SPATA6: variants seen among roughly 807,000 people sequenced by gnomAD.
SPATA6 encodes the protein spermatogenesis associated 6.
SPATA6 carries 56 observed loss-of-function variants against 65.3 expected under a neutral mutation model. That is an observed-to-expected ratio of 0.86 (90% CI 0.69 to 1.07). The LOEUF is 1.07. SPATA6 is among the 50% of genes least tolerant of loss of function. The pLI is 0.00. For synonymous variants in SPATA6, 199 were observed against 213.2 expected (o/e 0.93, Z 0.58); for missense variants, 590 against 594.8 (o/e 0.99, Z 0.08).
In SPATA6 at chr1:48,399,437, C is replaced by A; in HGVS notation, c.694G>T (p.Asp232Tyr). 1 of 1,613,170 alleles carries A rather than the reference C, an allele frequency of 6.2e-7. No homozygotes were observed. The highest frequency in any genetic ancestry group is 1.1e-5 in the South Asian group (1 of 91,054). Residue 232 changes from aspartate (D) to tyrosine (Y), a missense_variant, in exon 7 of 13, where the codon GAC becomes TAC. By Grantham distance (160) the Asp-to-Tyr change is radical (BLOSUM62 -3). Coordinates refer to ENST00000371847, the MANE Select transcript of SPATA6 (RefSeq NM_019073.4). Reference sequence around the variant, plus strand: ...AAATGGGCCAGCCGCCGCCTGGTGTCTTCAGATAGCTCACACATGCGTCTT... The same window carrying A: ...AAATGGGCCAGCCGCCGCCTGGTGTATTCAGATAGCTCACACATGCGTCTT... ...TKRRMCELSEDTRRRLAHLNL... is the reference protein window; with the variant it reads ...TKRRMCELSEYTRRRLAHLNL...
rs140053761 is a variant in SPATA6 at position 48,399,720 on chromosome 1, A to C, written c.487-76T>G. On this transcript the variant is annotated intron_variant, in intron 6 of 12. Transcript: ENST00000371847. Reference sequence around the variant, plus strand: ...CCTGTTGGTGGGGAAAAAATTAAAAAGTAATTTAAATAAGACGCAAAATCT... The same window carrying C: ...CCTGTTGGTGGGGAAAAAATTAAAACGTAATTTAAATAAGACGCAAAATCT... 6,353 of 1,341,288 alleles carry C rather than the reference A, an allele frequency of 4.7e-3. 149 individuals are homozygous for C. The South Asian group carries it at 0.049, about 10-fold the overall frequency. 83.1% of individuals were successfully genotyped at this position (1,341,288 alleles called of 1,614,324 possible). A position where few individuals can be genotyped will look rare whatever the true frequency, so the allele number is the denominator to read the frequency against.
At chr1:48,418,578 A>G (rs12749539) in intron 3 of SPATA6, among the ~76,000 whole-genome samples, 2 of 129,940 alleles carry the variant, frequency 1.5e-5, no homozygotes, top group South Asian at 5.1e-4. Context: ...AAAAAAAAAA[A>G]TTAGCTGGGC....
At chr1:48,443,311 C>T (rs1467237612) in intron 3 of SPATA6, among the ~76,000 whole-genome samples, 1 of 152,196 alleles carries the variant, frequency 6.6e-6, no homozygotes, top group East Asian at 1.9e-4. Flanking sequence ...ATCCTACCTT[C>T]AAATCTTATA....
At chr1:48,312,013 G>A (rs984663853) in intron 11 of SPATA6, among the ~76,000 whole-genome samples, 3 of 152,174 alleles carry the variant, frequency 2.0e-5, no homozygotes, top group Non-Finnish European at 2.9e-5. Context: ...TGGCAGCGAG[G>A]CTGGGGGAGG....
intron 3 of SPATA6, among the ~76,000 whole-genome samples, chr1:48,417,631 T>C (rs1238709561): frequency 6.6e-6 from 1 of 151,972 alleles, no homozygotes; most frequent in African/African-American, 2.4e-5. Context: ...CTGGCCAATA[T>C]GGTGAAACCC....
intron 11 of SPATA6, among the ~76,000 whole-genome samples, chr1:48,336,284 T>C (rs1451917932): frequency 2.0e-5 from 3 of 152,088 alleles, no homozygotes; most frequent in Non-Finnish European, 2.9e-5. Flanking sequence ...CCTGGGTATA[T>C]ATTCAAATGA....
intron 1 of SPATA6, among the ~76,000 whole-genome samples, chr1:48,453,542 A>G (rs1318590112): frequency 7.4e-6 from 1 of 135,554 alleles, no homozygotes; most frequent in Non-Finnish European, 1.6e-5. Flanking sequence ...AACGCTGATA[A>G]AAACCACAAA....
At chr1:48,395,188 T>G in intron 8 of SPATA6, 79 bp downstream of exon 8, 1 of 1,089,762 alleles carries the variant, frequency 9.2e-7, no homozygotes, top group South Asian at 2.1e-5. Context: ...GATTCTGTTT[T>G]TGTTAATTGA....
At chr1:48,397,680 T>C (rs961265221) in intron 7 of SPATA6, among the ~76,000 whole-genome samples, 1 of 151,636 alleles carries the variant, frequency 6.6e-6, no homozygotes, top group Non-Finnish European at 1.5e-5. Context: ...TCTAAAACCA[T>C]GAATGGCTAT....
intron 9 of SPATA6, among the ~76,000 whole-genome samples, chr1:48,369,746 C>T (rs909134418): frequency 6.6e-6 from 1 of 152,232 alleles, no homozygotes; most frequent in Non-Finnish European, 1.5e-5. Context: ...GGCAATGCCT[C>T]GTCCTGCTTT....
the SPATA6 span, among the ~76,000 whole-genome samples, chr1:48,278,499 AGCTGAAAGCCAAG>A: frequency 4.6e-5 from 7 of 152,230 alleles, no homozygotes; most frequent in Admixed American, 1.3e-4. Context: ...GAGCTGATGG[AGCTGAAAGCCAAG>A]GCTCGAGAAC....
rs1658305465 is a variant in SPATA6 at position 48,472,028 on chromosome 1, G to A, written c.-20C>T. 2.6e-6 allele frequency: 4 copies of A among 1,518,278 alleles called. No homozygotes were observed. Among genetic ancestry groups the A allele is most frequent in the Non-Finnish European group, 3.5e-6 (4 of 1,137,222 alleles). 94.1% of individuals were successfully genotyped at this position (1,518,278 alleles called of 1,614,324 possible). On this transcript the variant is annotated 5_prime_UTR_variant, in exon 1 of 13. Transcript: ENST00000371847. The stretch of plus-strand genomic sequence containing the variant: ...CGGCATCCGTGCGGGGAGGGGCGGC[G>A]GGGAGTGACCCCGGCCACGGGCCCG...
chr1:48,400,225 G>A (rs1651034321), intron 6 of SPATA6, among the ~76,000 whole-genome samples: 1 of 151,880 alleles, frequency 6.6e-6, no homozygotes, highest in Middle Eastern at 3.4e-3. Context: ...TCCCTTCCGA[G>A]CTGTAACTTC....
chr1:48,382,429 C>T (rs1192598804), intron 9 of SPATA6, among the ~76,000 whole-genome samples: 1 of 141,608 alleles, frequency 7.1e-6, no homozygotes, highest in Admixed American at 6.8e-5. Context: ...GCACCCCTCA[C>T]CTCCTGGATA....
intron 1 of SPATA6, among the ~76,000 whole-genome samples, chr1:48,465,372 T>C (rs1273738253): frequency 6.6e-6 from 1 of 152,114 alleles, no homozygotes; most frequent in African/African-American, 2.4e-5. Flanking sequence ...TTCTGTTGTT[T>C]TAAGCAACTA....
intron 9 of SPATA6, among the ~76,000 whole-genome samples, chr1:48,371,618 A>G (rs1647295901): frequency 6.6e-6 from 1 of 152,204 alleles, no homozygotes; most frequent in African/African-American, 2.4e-5. Context: ...CTGCCCAAGG[A>G]CTTATGCTGA....
intron 6 of SPATA6, among the ~76,000 whole-genome samples, chr1:48,399,859 C>T (rs1650994151): frequency 6.6e-6 from 1 of 151,906 alleles, no homozygotes; most frequent in South Asian, 2.1e-4. Flanking sequence ...CTGTCTCAAA[C>T]TTCCTTAAGT....
chr1:48,327,608 A>G (rs960511819), intron 11 of SPATA6, among the ~76,000 whole-genome samples: 4 of 152,186 alleles, frequency 2.6e-5, no homozygotes, highest in African/African-American at 9.6e-5. Context: ...AGAAAATGTG[A>G]TGTATATATA....
At chr1:48,262,209 C>G in the SPATA6 span, 2 of 152,052 alleles carry the variant, frequency 1.3e-5, no homozygotes, top group Non-Finnish European at 2.9e-5. Flanking sequence ...CAAAGTGAAC[C>G]ATGAGTGCTG....
Sources: allele counts gnomAD v4.1 joint callset (sites outside exome capture counted in the v4.1 genomes callset), GRCh38; gene constraint gnomAD v4.1.1; transcripts MANE v1.5; gene names NCBI Gene and HGNC (gene_info 2026-07-23, HGNC 2026-07-21).